Variants in SLC1A7 observed in about 807,000 individuals in gnomAD.
SLC1A7 encodes the protein excitatory amino acid transporter 5.
In SLC1A7, 40 loss-of-function variants were observed where a neutral mutation model predicts 47.7. That is an observed-to-expected ratio of 0.84 (90% CI 0.65 to 1.09). SLC1A7 has a LOEUF of 1.09. SLC1A7 is among the 50% of genes least tolerant of loss of function. SLC1A7 has a pLI of 0.00. For synonymous variants in SLC1A7, 323 were observed against 325.6 expected, an observed-to-expected ratio of 0.99 and a Z score of 0.09; for missense variants, 746 against 769.5, an observed-to-expected ratio of 0.97 and a Z score of 0.36.
chr1:53,114,616 G>A, intron 3 of SLC1A7, 142 bp downstream of exon 3: 1 of 683,086 alleles, frequency 1.5e-6, no homozygotes, highest in Non-Finnish European at 2.5e-6. Flanking sequence ...AGCCCAGCGG[G>A]CAGCCCAGAG....
intron 5 of SLC1A7, among the ~76,000 whole-genome samples, chr1:53,099,899 C>G (rs982653446): frequency 6.7e-6 from 1 of 148,570 alleles, no homozygotes; most frequent in Admixed American, 6.7e-5. Flanking sequence ...ATTCACACAC[C>G]CCAACTCAGT....
At chr1:53,106,214 G>GTTCAC (rs1572320701) in intron 3 of SLC1A7, among the ~76,000 whole-genome samples, 2 of 152,034 alleles carry the variant, frequency 1.3e-5, no homozygotes, top group African/African-American at 4.8e-5. Context: ...CCTTGCAGGT[G>GTTCAC]GGACTTGGTT....
intron 7 of SLC1A7, 112 bp from the exon 8 acceptor site, chr1:53,090,918 C>A: frequency 6.5e-7 from 1 of 1,544,074 alleles, no homozygotes; most frequent in Non-Finnish European, 8.7e-7. Context: ...GTGTTTGTGC[C>A]TCTGCAGCGC....
In SLC1A7 at chr1:53,111,149, C is replaced by G. The variant is rs573310373; in HGVS notation, c.431+3609G>C. 2.0e-5 allele frequency among the ~76,000 whole-genome samples: 3 copies of G among 152,206 alleles called. No individual in the cohort carries two copies. The South Asian group carries it at 6.2e-4, about 32-fold the overall frequency. On this transcript the variant is annotated intron_variant, in intron 3 of 10. Transcript: ENST00000371494. ...GGAGAAGTGACTCAAGAGAAGACAA[C>G]AGAGAGGCAGAGCCTGGGAGGTCTC...
rs78928127 is a variant in SLC1A7 at position 53,103,821 on chromosome 1, A to G, written c.475-253T>C. Among the ~76,000 whole-genome samples, 364 of 151,484 alleles carry G rather than the reference A, an allele frequency of 2.4e-3. 2 individuals are homozygous for G. The highest frequency in any genetic ancestry group is 0.011 in the East Asian group (59 of 5,136). On this transcript the variant is annotated intron_variant, in intron 4 of 10. Transcript: ENST00000371494. The stretch of plus-strand genomic sequence containing the variant: ...CCTTCATTCCTCTTCTTACTTCTAT[A>G]CCTCATCACCCCATCTGGGTCCCTC...
At chr1:53,118,795 C>T (rs896682718) in intron 2 of SLC1A7, among the ~76,000 whole-genome samples, 3 of 152,044 alleles carry the variant, frequency 2.0e-5, no homozygotes, top group Non-Finnish European at 2.9e-5. Flanking sequence ...GTCAGGAGTT[C>T]GAGACCAGCC....
chr1:53,134,899 A>G (rs1256872177), intron 1 of SLC1A7, among the ~76,000 whole-genome samples: 1 of 152,192 alleles, frequency 6.6e-6, no homozygotes, highest in African/African-American at 2.4e-5. Context: ...CGATTAGAAT[A>G]TACTGTAATA....
At chr1:53,090,841 C>T (rs1483074761) in intron 7 of SLC1A7, 35 bp from the exon 8 acceptor site, 1 of 1,578,186 alleles carries the variant, frequency 6.3e-7, no homozygotes, top group African/African-American at 1.3e-5. Context: ...GCCCAGCACC[C>T]TCCTCCAGGA....
chr1:53,117,617 A>G (rs1264126503), intron 2 of SLC1A7, among the ~76,000 whole-genome samples: 4 of 152,164 alleles, frequency 2.6e-5, no homozygotes, highest in African/African-American at 9.7e-5. Context: ...GAGCCCTGGA[A>G]CCTCCTGGGA....
At chr1:53,138,509 C>A (rs1162108375) in intron 1 of SLC1A7, among the ~76,000 whole-genome samples, 1 of 148,102 alleles carries the variant, frequency 6.8e-6, no homozygotes, top group Non-Finnish European at 1.5e-5. Flanking sequence ...ATTTCTACAA[C>A]TTTATCCCAG....
In SLC1A7 at chr1:53,087,470, G is replaced by C. The variant is rs1241206335; in HGVS notation, c.*539C>G. 6.6e-6 allele frequency: 1 copy of C among 152,428 alleles called. No individual in the cohort carries two copies. Among genetic ancestry groups the C allele is most frequent in the Non-Finnish European group, 1.5e-5 (1 of 68,146 alleles). 9.4% of individuals were successfully genotyped at this position (152,428 alleles called of 1,614,324 possible). A position where few individuals can be genotyped will look rare whatever the true frequency, so the allele number is the denominator to read the frequency against. Reference sequence around the variant, plus strand: ...GCAAAAGACACGTGGCAGGACAGGAGACTGGACGCACTGTGGCCTGGGGAA... The same window carrying C: ...GCAAAAGACACGTGGCAGGACAGGACACTGGACGCACTGTGGCCTGGGGAA... On this transcript the variant is annotated 3_prime_UTR_variant, in exon 11 of 11. Transcript: ENST00000371494.
chr1:53,089,709 G>A, intron 9 of SLC1A7, 91 bp downstream of exon 9: 1 of 1,392,642 alleles, frequency 7.2e-7, no homozygotes, highest in Non-Finnish European at 1.0e-6. Context: ...CTTCTACCCT[G>A]GGGAAGGGAC....
chr1:53,103,571 G>A lies in SLC1A7; in HGVS notation c.475-3C>T, dbSNP rs1209045233. 6.4e-7 allele frequency: 1 copy of A among 1,558,414 alleles called. No homozygotes were observed. ...ACTGGGGTGGTCTTGGTGCGGTACTGGTGGGTGACACCCCACCCAGAGAGA... is the reference window on the plus strand; with the variant it reads ...ACTGGGGTGGTCTTGGTGCGGTACTAGTGGGTGACACCCCACCCAGAGAGA... On this transcript the variant is annotated splice_region_variant and splice_polypyrimidine_tract_variant and intron_variant, in intron 4 of 10. Transcript: ENST00000371494.
chr1:53,088,692 C>A (rs1352912315), intron 10 of SLC1A7, among the ~76,000 whole-genome samples, 185 bp downstream of exon 10: 1 of 152,174 alleles, frequency 6.6e-6, no homozygotes, highest in Non-Finnish European at 1.5e-5. Flanking sequence ...CCAGCCACAG[C>A]GGGTGCTCAA....
rs1260388294 is a variant in SLC1A7, at chr1:53,088,954, C to T, written c.1387G>A (p.Val463Met). The change falls in exon 10 of 11, where the codon GTG becomes ATG. Residue 463 changes from valine to methionine, a missense_variant. By Grantham distance (21) the Val-to-Met change is conservative. Transcript: ENST00000371494. ...ALDRFRTMIN[V>M]LGDALAAGIM... Reference sequence around the variant, plus strand: ...CCCGCTGCCAGCGCATCACCCAGCACGTTAATCATGGTGCGGAAACGGTCC... The same window carrying T: ...CCCGCTGCCAGCGCATCACCCAGCATGTTAATCATGGTGCGGAAACGGTCC... The T allele has an allele frequency of 1.2e-5, 19 of 1,613,974 alleles. No individual in the cohort carries two copies. Among genetic ancestry groups the T allele is most frequent in the East Asian group, 4.5e-5 (2 of 44,884 alleles).
chr1:53,103,185 C>T (rs1038871438), intron 5 of SLC1A7, 161 bp downstream of exon 5: 4 of 582,862 alleles, frequency 6.9e-6, no homozygotes, highest in South Asian at 2.5e-5. Flanking sequence ...GGTGGGGAGG[C>T]GAAGGATTTA....
At chr1:53,123,261 G>A (rs1481813028) in intron 2 of SLC1A7, among the ~76,000 whole-genome samples, 1 of 152,198 alleles carries the variant, frequency 6.6e-6, no homozygotes, top group East Asian at 1.9e-4. Context: ...ATCATGAGGA[G>A]TCAGGGGAAC....
At position 53,090,418 on chromosome 1, in the gene SLC1A7, C is replaced by T. The variant is rs181914986; in HGVS notation, c.1226+194G>A. On this transcript the variant is annotated intron_variant, in intron 8 of 10. Transcript: ENST00000371494. ...CTGAGTCCTGTCCCTGGCCTCCGCT[C>T]GCCCTGTGGCCACCAGCAATGCCCT... 1.1e-3 allele frequency: 981 copies of T among 881,518 alleles called. 1 individual carries two copies. Among genetic ancestry groups the T allele is most frequent in the Admixed American group, 1.8e-3 (54 of 30,762 alleles). The allele number at this position is 881,518 out of a possible 1,614,324, so 54.6% of individuals were successfully genotyped here.
intron 5 of SLC1A7, among the ~76,000 whole-genome samples, chr1:53,093,770 C>G (rs1478800792): frequency 6.6e-6 from 1 of 151,592 alleles, no homozygotes. Flanking sequence ...ACGCAGCAGC[C>G]AATGTCACCT....
Sources: allele counts gnomAD v4.1 joint callset (sites outside exome capture counted in the v4.1 genomes callset), GRCh38; gene constraint gnomAD v4.1.1; transcripts MANE v1.5; gene names NCBI Gene and HGNC (gene_info 2026-07-23, HGNC 2026-07-21).